PLCE1: variants seen among roughly 807,000 people sequenced by gnomAD.
The protein encoded by PLCE1 is 1-phosphatidylinositol 4,5-bisphosphate phosphodiesterase epsilon-1.
Under a neutral mutation model 242.8 loss-of-function variants are expected in PLCE1, and 119 were observed. The observed-to-expected ratio is 0.49, with a 90% CI of 0.42 to 0.57. The LOEUF (loss-of-function observed/expected upper bound fraction) is 0.57, where lower values mean the gene tolerates loss of function less well. Ranked by LOEUF, PLCE1 falls within the 20% of genes least tolerant of loss-of-function variation. PLCE1 has a pLI of 0.00. For synonymous variants in PLCE1, 945 were observed against 1,017.4 expected, an observed-to-expected ratio of 0.93 and a Z score of 1.35; for missense variants, 2,441 against 2,788.8, an observed-to-expected ratio of 0.88 and a Z score of 2.81.
In PLCE1 at chr10:94,201,443, A is replaced by T. The variant is rs1388709731; in HGVS notation, c.1810-25863A>T. 3.3e-5 allele frequency among the ~76,000 whole-genome samples: 5 copies of T among 152,164 alleles called. No individual in the cohort carries two copies. In the East Asian group the frequency reaches 9.6e-4, roughly 29 times the overall value. ...GGTTGCAGCATTTGCCCCACTAAAA[A>T]ATATTCTCTGAGGAATTTCAGTTTA... On this transcript the variant is annotated intron_variant, in intron 4 of 32. Coordinates refer to ENST00000371380, the MANE Select transcript of PLCE1 (RefSeq NM_016341.4).
At chr10:94,108,734 A>G (rs1212886131) in intron 2 of PLCE1, 1 of 152,126 alleles carries the variant, frequency 6.6e-6, no homozygotes, top group African/African-American at 2.4e-5. Context: ...CTGAGCCAGT[A>G]ATCCCCAACC....
At chr10:94,317,943 T>C (rs2053634755) in intron 29 of PLCE1, among the ~76,000 whole-genome samples, 1 of 152,206 alleles carries the variant, frequency 6.6e-6, no homozygotes, top group Non-Finnish European at 1.5e-5. Context: ...GGGCATGTAA[T>C]AGTGCTTGCC....
chr10:94,013,986 T>A (rs1458010827), intron 1 of PLCE1, among the ~76,000 whole-genome samples: 1 of 152,088 alleles, frequency 6.6e-6, no homozygotes, highest in Non-Finnish European at 1.5e-5. Context: ...TGGACATTGG[T>A]TTGTTTCACG....
chr10:94,226,808 T>A (rs986859000), intron 4 of PLCE1, among the ~76,000 whole-genome samples: 1 of 148,226 alleles, frequency 6.7e-6, no homozygotes, highest in African/African-American at 2.5e-5. Context: ...GAGAGAGTTA[T>A]AAGAGATTAA....
intron 27 of PLCE1, among the ~76,000 whole-genome samples, chr10:94,311,192 G>GT (rs1200698510): frequency 1.3e-5 from 2 of 152,104 alleles, no homozygotes; most frequent in Admixed American, 1.3e-4. Flanking sequence ...ATCATTTAGG[G>GT]TTTTTATGGA....
chr10:94,324,349 A>G lies in PLCE1; in HGVS notation c.6502A>G (p.Thr2168Ala). ...CAGTTGATCATAACTTACCTTTCAGACCTTATGCAAAGCCAAATATTCCTA... is the reference window on the plus strand; with the variant it reads ...CAGTTGATCATAACTTACCTTTCAGGCCTTATGCAAAGCCAAATATTCCTA... Reference protein sequence around the residue: ...VSTAQDVIQQTLCKAKYSYSI... With the variant: ...VSTAQDVIQQALCKAKYSYSI... The change falls in exon 31 of 33, where the codon ACC becomes GCC. Residue 2168 changes from threonine to alanine, a missense_variant and splice_region_variant. By Grantham distance (58) the Thr-to-Ala change is moderately conservative. This residue lies in a region of PLCE1 where 310 missense variants were observed against 317.2 expected (regional missense o/e 0.98). Transcript: ENST00000371380. 1 of 1,612,048 alleles carries G rather than the reference A, an allele frequency of 6.2e-7. No individual in the cohort carries two copies. The highest frequency in any genetic ancestry group is 8.5e-7 in the Non-Finnish European group (1 of 1,178,152).
chr10:94,103,941 A>T (rs1410960455), intron 2 of PLCE1, among the ~76,000 whole-genome samples: 2 of 152,224 alleles, frequency 1.3e-5, no homozygotes, highest in African/African-American at 4.8e-5. Flanking sequence ...TGTCATTTTG[A>T]TTTCAGCCAT....
intron 3 of PLCE1, among the ~76,000 whole-genome samples, chr10:94,151,804 G>A (rs1228253251): frequency 1.3e-5 from 2 of 152,070 alleles, no homozygotes; most frequent in East Asian, 3.9e-4. Flanking sequence ...AGGTCCTTGG[G>A]GTTGGGCTTA....
chr10:94,264,603 C>A (rs963012200), intron 14 of PLCE1, among the ~76,000 whole-genome samples: 1 of 141,350 alleles, frequency 7.1e-6, no homozygotes, highest in African/African-American at 2.6e-5. Flanking sequence ...TTCACTGCAA[C>A]CTCCGCCTCC....
intron 2 of PLCE1, among the ~76,000 whole-genome samples, chr10:94,114,408 G>A (rs1348105985): frequency 6.6e-6 from 1 of 152,206 alleles, no homozygotes; most frequent in African/African-American, 2.4e-5. Context: ...CTAACAGTCT[G>A]ATCTCTAAGC....
chr10:94,161,486 A>G (rs929723521), intron 3 of PLCE1, among the ~76,000 whole-genome samples: 1 of 152,104 alleles, frequency 6.6e-6, no homozygotes, highest in Non-Finnish European at 1.5e-5. Flanking sequence ...GAATACTTGT[A>G]ATTTTTGCAC....
intron 10 of PLCE1, among the ~76,000 whole-genome samples, 167 bp downstream of exon 10, chr10:94,254,474 C>T (rs1413310216): frequency 6.6e-6 from 1 of 152,162 alleles, no homozygotes; most frequent in Non-Finnish European, 1.5e-5. Context: ...GCATAGTGTG[C>T]TTGGAATAAA....
chr10:94,293,394 T>C, intron 22 of PLCE1, 114 bp from the exon 23 acceptor site: 1 of 1,174,460 alleles, frequency 8.5e-7, no homozygotes, highest in Non-Finnish European at 1.3e-6. Context: ...AGGGTTTCTG[T>C]ACTAGGTTCC....
intron 2 of PLCE1, among the ~76,000 whole-genome samples, chr10:94,128,390 G>A (rs576948560): frequency 1.9e-4 from 29 of 152,156 alleles, no homozygotes; most frequent in African/African-American, 6.7e-4. Context: ...CTCTCATCCT[G>A]GATTGGTGTG....
At chr10:94,102,672 C>CA (rs2045581273) in intron 2 of PLCE1, among the ~76,000 whole-genome samples, 1 of 152,200 alleles carries the variant, frequency 6.6e-6, no homozygotes, top group Non-Finnish European at 1.5e-5. Context: ...AGAACTCATG[C>CA]CAGCGCCTCT....
intron 4 of PLCE1, among the ~76,000 whole-genome samples, chr10:94,203,398 T>G (rs1031176981): frequency 2.6e-5 from 4 of 152,232 alleles, no homozygotes; most frequent in Non-Finnish European, 5.9e-5. Flanking sequence ...ACAGGAACTT[T>G]TACTTCATAT....
chr10:94,313,704 C>CT (rs1215744800), intron 28 of PLCE1, among the ~76,000 whole-genome samples: 2 of 152,296 alleles, frequency 1.3e-5, no homozygotes, highest in Admixed American at 6.5e-5. Context: ...CATATATACA[C>CT]TTTCGCCCTA....
intron 29 of PLCE1, among the ~76,000 whole-genome samples, chr10:94,319,803 C>T (rs533752379): frequency 6.7e-5 from 10 of 150,058 alleles, no homozygotes; most frequent in Non-Finnish European, 1.5e-4. Flanking sequence ...TAACCTGTGG[C>T]TTCGAACTAA....
At chr10:94,190,725 G>A (rs11187810) in intron 4 of PLCE1, among the ~76,000 whole-genome samples, 15,465 of 152,200 alleles carry the variant, frequency 0.1, 1,589 homozygotes, top group African/African-American at 0.27. Context: ...CATCATCATC[G>A]TCATCATCTT....
Sources: gnomAD v4.1 joint callset for allele counts (sites outside exome capture counted in the v4.1 genomes callset) on GRCh38, gnomAD v4.1.1 for gene constraint, gnomAD v4.1.1 regional missense constraint, MANE v1.5 for transcripts, NCBI Gene and HGNC (gene_info 2026-07-23, HGNC 2026-07-21) for gene names.